Variants in HPSE2 observed in about 807,000 individuals in gnomAD.
HPSE2 encodes the protein heparanase 2 (inactive).
In HPSE2, 38 loss-of-function variants were observed where a neutral mutation model predicts 60.5. That is an observed-to-expected ratio of 0.63 (90% CI 0.48 to 0.82). The LOEUF (loss-of-function observed/expected upper bound fraction) is 0.82. HPSE2 is among the 40% of genes least tolerant of loss of function. The pLI is 0.00. For synonymous variants in HPSE2, 295 were observed against 293.2 expected (o/e 1.01, Z -0.06); for missense variants, 713 against 740.4 (o/e 0.96, Z 0.43).
chr10:98,588,677 G>A (rs1369549493), intron 9 of HPSE2, among the ~76,000 whole-genome samples: 2 of 151,956 alleles, frequency 1.3e-5, no homozygotes, highest in African/African-American at 4.8e-5. Flanking sequence ...AGCAGGCACC[G>A]AGACAAAGCC....
At chr10:99,194,020 C>T (rs1308539755) in intron 2 of HPSE2, among the ~76,000 whole-genome samples, 3 of 151,888 alleles carry the variant, frequency 2.0e-5, no homozygotes, top group East Asian at 1.9e-4. Flanking sequence ...AAACAGACCA[C>T]GTAAGGCCAC....
the HPSE2 span, among the ~76,000 whole-genome samples, chr10:99,277,250 T>G: frequency 1.1e-4 from 17 of 152,238 alleles, no homozygotes; most frequent in Non-Finnish European, 2.5e-4. Context: ...TGCACATGCA[T>G]GCAAAAATAT....
intron 9 of HPSE2, among the ~76,000 whole-genome samples, chr10:98,607,395 T>C (rs1213063651): frequency 6.6e-6 from 1 of 152,194 alleles, no homozygotes; most frequent in Non-Finnish European, 1.5e-5. Flanking sequence ...GATTTTCAAT[T>C]GTTGCTTCTC....
intron 6 of HPSE2, among the ~76,000 whole-genome samples, chr10:98,642,476 CAAA>C (rs1946664500): frequency 6.6e-6 from 1 of 152,114 alleles, no homozygotes; most frequent in African/African-American, 2.4e-5. Flanking sequence ...AACCTACTAC[CAAA>C]ATATGCTGTG....
intron 2 of HPSE2, among the ~76,000 whole-genome samples, chr10:99,211,280 C>A (rs970038549): frequency 2.0e-5 from 3 of 151,954 alleles, no homozygotes; most frequent in African/African-American, 4.8e-5. Context: ...ATTGAAATAT[C>A]CATACTATCC....
At chr10:98,871,112 C>T (rs1952720508) in intron 3 of HPSE2, among the ~76,000 whole-genome samples, 2 of 151,960 alleles carry the variant, frequency 1.3e-5, no homozygotes, top group African/African-American at 4.8e-5. Context: ...AACCAAGAGC[C>T]AATAAAACTC....
At chr10:98,766,011 G>A (rs1005403526) in intron 3 of HPSE2, among the ~76,000 whole-genome samples, 1 of 151,870 alleles carries the variant, frequency 6.6e-6, no homozygotes, top group Non-Finnish European at 1.5e-5. Flanking sequence ...TCTTCAAAAA[G>A]ATCAGTAAAA....
intron 5 of HPSE2, 141 bp from the exon 6 acceptor site, chr10:98,694,088 T>C (rs573688064): frequency 1.7e-5 from 12 of 716,608 alleles, no homozygotes; most frequent in East Asian, 7.7e-5. Flanking sequence ...GCCACAATCA[T>C]GGCCTAGACA....
chr10:99,304,887 C>T, the HPSE2 span, among the ~76,000 whole-genome samples: 2 of 152,196 alleles, frequency 1.3e-5, no homozygotes, highest in African/African-American at 2.4e-5. Context: ...CAAGCTTCCT[C>T]CTCAAGGTAT....
chr10:99,139,603 A>C (rs1372289759), intron 3 of HPSE2, among the ~76,000 whole-genome samples: 2 of 152,130 alleles, frequency 1.3e-5, no homozygotes, highest in Non-Finnish European at 2.9e-5. Context: ...TAAAGCACGA[A>C]CACAAGGATT....
At chr10:99,108,156 T>G (rs1490632334) in intron 3 of HPSE2, among the ~76,000 whole-genome samples, 1 of 152,204 alleles carries the variant, frequency 6.6e-6, no homozygotes, top group Non-Finnish European at 1.5e-5. Flanking sequence ...ACTGTTATTT[T>G]GAGCTACTAC....
intron 4 of HPSE2, 31 bp downstream of exon 4, chr10:98,743,852 T>A: frequency 6.3e-7 from 1 of 1,591,330 alleles, no homozygotes; most frequent in East Asian, 2.2e-5. Flanking sequence ...CTTTATTTTG[T>A]CAATTCAGAG....
intron 3 of HPSE2, among the ~76,000 whole-genome samples, chr10:98,872,300 C>T (rs1029921046): frequency 6.6e-6 from 1 of 151,992 alleles, no homozygotes; most frequent in Non-Finnish European, 1.5e-5. Context: ...TGAATGTCTC[C>T]CTTCCTTCCT....
chr10:99,041,868 G>T (rs1251723638), intron 3 of HPSE2, among the ~76,000 whole-genome samples: 1 of 152,184 alleles, frequency 6.6e-6, no homozygotes, highest in East Asian at 1.9e-4. Flanking sequence ...TGGGAAGGGA[G>T]CTAAGAGCCT....
chr10:98,866,030 G>A (rs376267902), intron 3 of HPSE2, among the ~76,000 whole-genome samples: 12 of 152,194 alleles, frequency 7.9e-5, no homozygotes, highest in African/African-American at 2.6e-4. Context: ...GGATTACTTA[G>A]TATGCAAAGA....
At chr10:98,767,752 A>G (rs1313085377) in intron 3 of HPSE2, among the ~76,000 whole-genome samples, 5 of 145,538 alleles carry the variant, frequency 3.4e-5, no homozygotes, top group Non-Finnish European at 7.5e-5. Context: ...ATGTATCAAT[A>G]CTATATAGTT....
intron 3 of HPSE2, among the ~76,000 whole-genome samples, chr10:98,745,950 T>C (rs1463492893): frequency 1.3e-5 from 2 of 152,178 alleles, no homozygotes; most frequent in Non-Finnish European, 2.9e-5. Context: ...ACCATTATCA[T>C]TGGGTTGAGT....
At chr10:98,727,191 T>C (rs897645563) in intron 4 of HPSE2, among the ~76,000 whole-genome samples, 16 of 151,956 alleles carry the variant, frequency 1.1e-4, no homozygotes, top group Non-Finnish European at 2.2e-4. Flanking sequence ...GAATTCAGAG[T>C]TGGTCCAGTA....
intron 3 of HPSE2, among the ~76,000 whole-genome samples, chr10:99,001,489 A>G (rs1956775848): frequency 6.6e-6 from 1 of 152,174 alleles, no homozygotes; most frequent in African/African-American, 2.4e-5. Flanking sequence ...TCTCAAGCAC[A>G]TAGCCATTTA....
Sources: allele counts gnomAD v4.1 joint callset (sites outside exome capture counted in the v4.1 genomes callset), GRCh38; gene constraint gnomAD v4.1.1; transcripts MANE v1.5; gene names NCBI Gene and HGNC (gene_info 2026-07-23, HGNC 2026-07-21).